The following NRP1 variants were observed in gnomAD, a reference collection of about 807,000 sequenced individuals.
The protein encoded by NRP1 is neuropilin 1, also known as neuropilin-1.
NRP1 carries 35 observed loss-of-function variants against 106.7 expected under a neutral mutation model. The ratio of observed to expected loss-of-function variants is 0.33; its 90% confidence interval spans 0.25 to 0.43. The LOEUF (loss-of-function observed/expected upper bound fraction) is 0.43. Ranked by LOEUF, NRP1 falls within the 20% of genes least tolerant of loss-of-function variation. NRP1 has a pLI of 1.00. For synonymous variants in NRP1, 437 were observed against 417.9 expected (o/e 1.05, Z -0.56); for missense variants, 1,024 against 1,170.4 (o/e 0.87, Z 1.83).
chr10:33,294,863 CA>C (rs950330395), intron 2 of NRP1, among the ~76,000 whole-genome samples: 5 of 152,072 alleles, frequency 3.3e-5, no homozygotes, highest in African/African-American at 1.2e-4. Flanking sequence ...TGATTAACAA[CA>C]AACACATCAT....
At chr10:33,187,680 A>T (rs1456552457) in intron 13 of NRP1, among the ~76,000 whole-genome samples, 1 of 152,218 alleles carries the variant, frequency 6.6e-6, no homozygotes, top group Non-Finnish European at 1.5e-5. Flanking sequence ...CTGCAAATAG[A>T]AATCATCTTC....
intron 2 of NRP1, among the ~76,000 whole-genome samples, chr10:33,278,135 G>C (rs1843848423): frequency 6.6e-6 from 1 of 152,032 alleles, no homozygotes; most frequent in Non-Finnish European, 1.5e-5. Context: ...AGGGTGTAAG[G>C]TGATTTTTTT....
intron 2 of NRP1, among the ~76,000 whole-genome samples, chr10:33,326,218 C>G (rs1455990514): frequency 2.0e-5 from 3 of 152,152 alleles, no homozygotes; most frequent in Admixed American, 6.5e-5. Context: ...CAATGACATT[C>G]TTGTTTATTA....
At chr10:33,327,057 A>T (rs1847941627) in intron 2 of NRP1, among the ~76,000 whole-genome samples, 1 of 152,178 alleles carries the variant, frequency 6.6e-6, no homozygotes, top group African/African-American at 2.4e-5. Context: ...GGTTTCAAAG[A>T]TGTTTCACAA....
In NRP1 at chr10:33,179,939, T is replaced by C; in HGVS notation, c.*137A>G. 2.4e-6 allele frequency: 2 copies of C among 841,422 alleles called. No homozygotes were observed. The highest frequency in any genetic ancestry group is 3.8e-6 in the Non-Finnish European group (2 of 523,902). The allele number at this position is 841,422 out of a possible 1,614,324, so 52.1% of individuals were successfully genotyped here. A position where few individuals can be genotyped will look rare whatever the true frequency, so the allele number is the denominator to read the frequency against. ...GTCCATGTCTGTCGGCCATACTCAT[T>C]GAAGCTCCTGAGAAAAGCCTGGCTC... is the stretch of plus-strand genomic sequence containing the variant. On this transcript the variant is annotated 3_prime_UTR_variant, in exon 17 of 17. Coordinates refer to ENST00000374867, the MANE Select transcript of NRP1 (RefSeq NM_003873.7).
chr10:33,251,808 G>A (rs1311130084), intron 6 of NRP1, among the ~76,000 whole-genome samples: 2 of 152,090 alleles, frequency 1.3e-5, no homozygotes, highest in African/African-American at 4.8e-5. Flanking sequence ...CTTAGTGAGA[G>A]CTCCCCACAT....
chr10:33,230,001 C>A (rs1029735467), intron 6 of NRP1, among the ~76,000 whole-genome samples: 1 of 152,122 alleles, frequency 6.6e-6, no homozygotes, highest in Admixed American at 6.6e-5. Flanking sequence ...TGGATGACAA[C>A]CTCACAAAGT....
intron 9 of NRP1, among the ~76,000 whole-genome samples, chr10:33,211,069 C>T (rs1165277657): frequency 2.6e-5 from 4 of 152,140 alleles, no homozygotes; most frequent in African/African-American, 9.7e-5. Flanking sequence ...AACCCTAACA[C>T]GTTCATCCAA....
intron 12 of NRP1, among the ~76,000 whole-genome samples, chr10:33,196,090 C>T (rs774856794): frequency 2.1e-4 from 32 of 152,096 alleles, no homozygotes; most frequent in Admixed American, 4.6e-4. Context: ...CAATATTGAC[C>T]TTCAACATTC....
intron 4 of NRP1, among the ~76,000 whole-genome samples, chr10:33,260,788 G>A (rs181605105): frequency 2.5e-4 from 38 of 152,032 alleles, no homozygotes; most frequent in Admixed American, 2.5e-3. Flanking sequence ...TGAATCAATG[G>A]GTAGCTTTCA....
chr10:33,313,299 T>C (rs1846743901), intron 2 of NRP1, among the ~76,000 whole-genome samples: 1 of 151,884 alleles, frequency 6.6e-6, no homozygotes, highest in African/African-American at 2.4e-5. Context: ...TCAAGGAGGG[T>C]CTGGGCTGGG....
intron 6 of NRP1, among the ~76,000 whole-genome samples, chr10:33,230,079 G>A (rs1173770198): frequency 7.7e-6 from 1 of 129,984 alleles, no homozygotes; most frequent in Non-Finnish European, 1.7e-5. Flanking sequence ...ACAACATACA[G>A]CCTCTCCAGC....
In NRP1 at chr10:33,270,762, A is replaced by G; in HGVS notation, c.343T>C (p.Ser115Pro). 1 of 1,614,008 alleles carries G rather than the reference A, an allele frequency of 6.2e-7. No homozygotes were observed. Among genetic ancestry groups the G allele is most frequent in the Non-Finnish European group, 8.5e-7 (1 of 1,179,924 alleles). The change falls in exon 3 of 17, where the codon TCA becomes CCA. Residue 115 changes from serine to proline, a missense_variant. By Grantham distance (74) the Ser-to-Pro change is moderately conservative. Around this residue, in one of 5 missense-constraint regions of NRP1, gnomAD observed 279 missense variants for 327.4 expected, o/e 0.85. Transcript: ENST00000374867. Reference sequence around the variant, plus strand: ...AATTTGATAAAAAGAAATGGCCCTGAAGACACAACAGGAGGAGGGGCTATC... The same window carrying G: ...AATTTGATAAAAAGAAATGGCCCTGGAGACACAACAGGAGGAGGGGCTATC... ...GKIAPPPVVS[S>P]GPFLFIKFVS...
At chr10:33,331,505 C>T (rs1191223379) in intron 1 of NRP1, among the ~76,000 whole-genome samples, 2 of 152,136 alleles carry the variant, frequency 1.3e-5, no homozygotes, top group Non-Finnish European at 2.9e-5. Context: ...TTTACTTCTC[C>T]AAGTAAAGTT....
At chr10:33,196,066 C>T (rs532537570) in intron 12 of NRP1, among the ~76,000 whole-genome samples, 7 of 152,228 alleles carry the variant, frequency 4.6e-5, no homozygotes, top group South Asian at 2.1e-4. Context: ...TTAACAAAAC[C>T]GCTCCTGCTC....
chr10:33,190,914 TGTGATCATA>T (rs1836361836), intron 13 of NRP1, among the ~76,000 whole-genome samples: 3 of 152,182 alleles, frequency 2.0e-5, no homozygotes, highest in Admixed American at 2.0e-4. Context: ...AGTGCAATGG[TGTGATCATA>T]GGTCACTGCA....
chr10:33,192,718 T>TA (rs1365820816), intron 12 of NRP1, among the ~76,000 whole-genome samples: 1 of 152,220 alleles, frequency 6.6e-6, no homozygotes, highest in African/African-American at 2.4e-5. Context: ...AAAGCACGTG[T>TA]ATTACATTTG....
intron 6 of NRP1, among the ~76,000 whole-genome samples, chr10:33,238,265 A>G (rs1840735600): frequency 1.3e-5 from 2 of 152,206 alleles, no homozygotes; most frequent in Admixed American, 1.3e-4. Context: ...AAAACCTGTC[A>G]ATGAAATGGC....
intron 2 of NRP1, among the ~76,000 whole-genome samples, chr10:33,305,913 C>A (rs1192362464): frequency 6.6e-6 from 1 of 151,968 alleles, no homozygotes; most frequent in Admixed American, 6.6e-5. Flanking sequence ...GGACTACAGG[C>A]ACATACCACC....
Sources: allele counts gnomAD v4.1 joint callset (sites outside exome capture counted in the v4.1 genomes callset), GRCh38; gene constraint gnomAD v4.1.1; regional missense constraint gnomAD v4.1.1; transcripts MANE v1.5; gene names NCBI Gene and HGNC (gene_info 2026-07-23, HGNC 2026-07-21).